Variants in INPP5B observed in about 807,000 individuals in gnomAD.
INPP5B encodes type II inositol 1,4,5-trisphosphate 5-phosphatase.
A neutral mutation model predicts 118.5 loss-of-function variants in INPP5B; 90 were observed. That is an observed-to-expected ratio of 0.76 (90% CI 0.64 to 0.90). The LOEUF (loss-of-function observed/expected upper bound fraction) is 0.90. Among genes scored for constraint, INPP5B ranks in the 40% least tolerant of loss-of-function variants. INPP5B has a pLI of 0.00. For synonymous variants in INPP5B, 385 were observed against 418.9 expected (o/e 0.92, Z 0.99); for missense variants, 984 against 1,125.6 (o/e 0.87, Z 1.80).
intron 7 of INPP5B, among the ~76,000 whole-genome samples, chr1:37,900,496 G>A (rs1283823397): frequency 2.0e-5 from 3 of 151,312 alleles, no homozygotes; most frequent in Non-Finnish European, 3.0e-5. Context: ...TTCATGATCC[G>A]CCCGCCTCAG....
At position 37,866,905 on chromosome 1, in the gene INPP5B, C is replaced by T. The variant is rs115784282; in HGVS notation, c.2302-362G>A. The stretch of plus-strand genomic sequence containing the variant: ...TACAGTGCATAAGAGCATAAGAGAA[C>T]GCTAACAAGGCACCTCAATGCTTTG... On this transcript the variant is annotated intron_variant, in intron 20 of 23. Transcript: ENST00000373024. 6.4e-3 allele frequency among the ~76,000 whole-genome samples: 979 copies of T among 152,336 alleles called. 5 individuals carry two copies. Among genetic ancestry groups the T allele is most frequent in the Middle Eastern group, 0.017 (5 of 294 alleles).
At chr1:37,869,791 T>C (rs1029265315) in intron 19 of INPP5B, 2 of 152,324 alleles carry the variant, frequency 1.3e-5, no homozygotes, top group South Asian at 4.1e-4. Context: ...CCAGGTCCAC[T>C]GTTAACTCAC....
intron 23 of INPP5B, among the ~76,000 whole-genome samples, chr1:37,863,172 C>T (rs1270878208): frequency 6.6e-6 from 1 of 151,522 alleles, no homozygotes; most frequent in Admixed American, 6.6e-5. Flanking sequence ...CACTGGCTCC[C>T]AGCCCTCTCC....
At chr1:37,872,821 G>A (rs1642540078) in intron 19 of INPP5B, 109 bp downstream of exon 19, 2 of 780,164 alleles carry the variant, frequency 2.6e-6, no homozygotes, top group Non-Finnish European at 4.2e-6. Flanking sequence ...GCAAGCTCTA[G>A]GAAGCTGAAG....
At chr1:37,920,643 C>A (rs934200910) in intron 7 of INPP5B, among the ~76,000 whole-genome samples, 1 of 146,916 alleles carries the variant, frequency 6.8e-6, no homozygotes. Flanking sequence ...CCAGCCTGGG[C>A]GACAGAGTGA....
intron 15 of INPP5B, among the ~76,000 whole-genome samples, chr1:37,879,793 G>A (rs1643082596): frequency 6.6e-6 from 1 of 152,074 alleles, no homozygotes; most frequent in African/African-American, 2.4e-5. Flanking sequence ...TAACTACTGT[G>A]TAATGTCCAA....
At chr1:37,866,621 T>C (rs906613580) in intron 20 of INPP5B, 78 bp from the exon 21 acceptor site, 35 of 847,558 alleles carry the variant, frequency 4.1e-5, no homozygotes, top group Non-Finnish European at 7.0e-5. Context: ...GCAATATCAA[T>C]AGCAGAATGC....
chr1:37,942,773 G>A (rs1046897150), intron 5 of INPP5B, among the ~76,000 whole-genome samples: 3 of 151,996 alleles, frequency 2.0e-5, no homozygotes, highest in African/African-American at 7.2e-5. Context: ...GCTGGGCATG[G>A]TGGCGGGTGC....
chr1:37,878,832 T>C (rs1643005615), intron 15 of INPP5B, among the ~76,000 whole-genome samples: 1 of 151,440 alleles, frequency 6.6e-6, no homozygotes, highest in Non-Finnish European at 1.5e-5. Flanking sequence ...TGTATTTTAG[T>C]AGAGGTGGGG....
chr1:37,886,236 T>A (rs1643529000), intron 12 of INPP5B, among the ~76,000 whole-genome samples: 15 of 151,498 alleles, frequency 9.9e-5, no homozygotes, highest in Admixed American at 9.9e-4. Flanking sequence ...TCTTAATCTT[T>A]ATAATAATCC....
chr1:37,927,744 A>G lies in INPP5B; in HGVS notation c.532+4169T>C, dbSNP rs557167539. Among the ~76,000 whole-genome samples, 207 of 151,926 alleles carry G rather than the reference A, an allele frequency of 1.4e-3. 2 individuals are homozygous for G. Among genetic ancestry groups the G allele is most frequent in the Non-Finnish European group, 2.4e-3 (164 of 67,946 alleles). Reference sequence around the variant, plus strand: ...AGTAGAGACGGGGTTTCACCATGTTAGCCAGGATGGTCTCAATCTCCTGAC... The same window carrying G: ...AGTAGAGACGGGGTTTCACCATGTTGGCCAGGATGGTCTCAATCTCCTGAC... On this transcript the variant is annotated intron_variant, in intron 7 of 23. Coordinates refer to ENST00000373024, the MANE Select transcript of INPP5B (RefSeq NM_005540.3).
chr1:37,896,569 C>T (rs1320394083), intron 7 of INPP5B, among the ~76,000 whole-genome samples: 11 of 146,798 alleles, frequency 7.5e-5, no homozygotes, highest in African/African-American at 2.5e-4. Context: ...CCCCTCTGCC[C>T]GGCCAGCCGC....
intron 22 of INPP5B, chr1:37,864,732 AT>A: frequency 5.0e-6 from 1 of 201,288 alleles, no homozygotes; most frequent in Non-Finnish European, 1.0e-5. Flanking sequence ...CAAAGAAAGT[AT>A]AAAAAAAGGG....
rs1440249878 is a variant in INPP5B, at chr1:37,891,431, T to C, written c.556A>G (p.Arg186Gly). 1 of 1,613,640 alleles carries C rather than the reference T, an allele frequency of 6.2e-7. No individual in the cohort carries two copies. Among genetic ancestry groups the C allele is most frequent in the Admixed American group, 1.7e-5 (1 of 60,002 alleles). ...GGGGSNFDGL[R>G]PNGKGVPMDQ... ...ATAGGCACTCCCTTCCCATTTGGTCTCAAACCATCAAAGTTAGAACCACCT... is the reference window on the plus strand; with the variant it reads ...ATAGGCACTCCCTTCCCATTTGGTCCCAAACCATCAAAGTTAGAACCACCT... The change falls in exon 8 of 24, where the codon AGA (arginine) becomes GGA (glycine). Residue 186 changes from arginine (R) to glycine (G), a missense_variant. Physicochemically the swap from Arg to Gly is moderately radical, Grantham distance 125. Around this residue, in one of 2 missense-constraint regions of INPP5B, gnomAD observed 350 missense variants for 334.6 expected, o/e 1.05. Coordinates refer to ENST00000373024, the MANE Select transcript of INPP5B (RefSeq NM_005540.3).
intron 17 of INPP5B, among the ~76,000 whole-genome samples, chr1:37,874,641 T>C (rs1642679213): frequency 6.6e-6 from 1 of 151,948 alleles, no homozygotes; most frequent in Non-Finnish European, 1.5e-5. Flanking sequence ...CTACTAAAAA[T>C]ACAAAAATTA....
At chr1:37,917,262 C>T (rs1459007382) in intron 7 of INPP5B, among the ~76,000 whole-genome samples, 6 of 133,672 alleles carry the variant, frequency 4.5e-5, no homozygotes, top group African/African-American at 1.7e-4. Context: ...GCACTCCTGC[C>T]TGGGTGACAA....
At chr1:37,888,008 CA>C (rs1643637437) in intron 10 of INPP5B, among the ~76,000 whole-genome samples, 1 of 152,152 alleles carries the variant, frequency 6.6e-6, no homozygotes, top group Non-Finnish European at 1.5e-5. Flanking sequence ...GGATGCAATT[CA>C]GGATTTTAAC....
At chr1:37,910,956 A>T (rs1472264483) in intron 7 of INPP5B, among the ~76,000 whole-genome samples, 1 of 152,076 alleles carries the variant, frequency 6.6e-6, no homozygotes, top group Non-Finnish European at 1.5e-5. Context: ...TTCCTTAAAA[A>T]ACAGCCCTAA....
chr1:37,917,308 T>TTATATATATATATATATATATA lies in INPP5B; in HGVS notation c.532+14583_532+14604dup, dbSNP rs368327131. On this transcript the variant is annotated intron_variant, in intron 7 of 23. Transcript: ENST00000373024. ...CGTCTCGGGGGAAAAAAAAAAATAATTATATATATATATATATATATATAT... is the reference window on the plus strand; with the variant it reads ...CGTCTCGGGGGAAAAAAAAAAATAATTATATATATATATATATATATATATATATATATATATATATATATAT... 9.2e-3 allele frequency among the ~76,000 whole-genome samples: 849 copies of TTATATATATATATATATATATA among 92,540 alleles called. 7 individuals are homozygous for TTATATATATATATATATATATA. Among genetic ancestry groups the TTATATATATATATATATATATA allele is most frequent in the Middle Eastern group, 0.019 (3 of 158 alleles). The allele number at this position is 92,540 out of a possible 152,430, so 60.7% of individuals were successfully genotyped here. A position where few individuals can be genotyped will look rare whatever the true frequency, so the allele number is the denominator to read the frequency against.
Sources: gnomAD v4.1 joint callset for allele counts (sites outside exome capture counted in the v4.1 genomes callset) on GRCh38, gnomAD v4.1.1 for gene constraint, gnomAD v4.1.1 regional missense constraint, MANE v1.5 for transcripts, NCBI Gene and HGNC (gene_info 2026-07-23, HGNC 2026-07-21) for gene names.